The following ADAMTSL1 variants were observed in gnomAD, a reference collection of about 807,000 sequenced individuals.
ADAMTSL1 encodes the protein ADAMTS like 1, also known as ADAMTS-like protein 1.
In ADAMTSL1, 126 loss-of-function variants were observed where a neutral mutation model predicts 201.8. That is an observed-to-expected ratio of 0.62 (90% CI 0.54 to 0.72). The LOEUF is 0.72. ADAMTSL1 is among the 30% of genes least tolerant of loss of function. The probability of loss-of-function intolerance (pLI) is 0.00; values close to 1 mark genes in which losing one functional copy is unlikely to be tolerated. For synonymous variants in ADAMTSL1, 1,121 were observed against 903.4 expected, an observed-to-expected ratio of 1.24 and a Z score of -4.32; for missense variants, 2,679 against 2,277.8, an observed-to-expected ratio of 1.18 and a Z score of -3.59.
In ADAMTSL1 at chr9:18,817,066, C is replaced by T. The variant is rs780408716; in HGVS notation, c.3806-43C>T. ...TTTCAAAGGAGTGCCCCAATTTCCACAGTCACCACCAAGTAACATCTCATA... is the reference window on the plus strand; with the variant it reads ...TTTCAAAGGAGTGCCCCAATTTCCATAGTCACCACCAAGTAACATCTCATA... On this transcript the variant is annotated intron_variant, in intron 20 of 28. Coordinates refer to ENST00000380548, the MANE Select transcript of ADAMTSL1 (RefSeq NM_001040272.6). The T allele has an allele frequency of 2.5e-6, 4 of 1,598,580 alleles. No homozygotes were observed. In the Admixed American group the frequency reaches 6.8e-5, roughly 27 times the overall value.
At chr9:18,723,209 C>T (rs1817654984) in intron 15 of ADAMTSL1, 1 of 673,576 alleles carries the variant, frequency 1.5e-6, no homozygotes, top group Admixed American at 2.2e-5. Context: ...CTCACATGTC[C>T]CATGATTCTT....
intron 20 of ADAMTSL1, among the ~76,000 whole-genome samples, chr9:18,797,999 C>T (rs532621982): frequency 2.0e-5 from 3 of 151,990 alleles, no homozygotes; most frequent in Non-Finnish European, 4.4e-5. Context: ...AGTTCACTTG[C>T]AGTCAAATCC....
chr9:18,558,717 A>G (rs1821269396), intron 3 of ADAMTSL1, among the ~76,000 whole-genome samples: 1 of 152,160 alleles, frequency 6.6e-6, no homozygotes, highest in South Asian at 2.1e-4. Context: ...CTGGCATGAT[A>G]TGGTATCTCA....
At chr9:18,176,179 T>C (rs1472602418) in intron 2 of ADAMTSL1, among the ~76,000 whole-genome samples, 1 of 152,118 alleles carries the variant, frequency 6.6e-6, no homozygotes, top group African/African-American at 2.4e-5. Context: ...CCCTCCTATT[T>C]TGCAACTTTA....
intron 1 of ADAMTSL1, among the ~76,000 whole-genome samples, chr9:18,479,540 A>G (rs1821620625): frequency 6.6e-6 from 1 of 152,224 alleles, no homozygotes; most frequent in Admixed American, 6.5e-5. Flanking sequence ...GCGCTTAGTA[A>G]TTGCTTGTCA....
chr9:18,760,281 C>A (rs1228234739), intron 16 of ADAMTSL1, among the ~76,000 whole-genome samples: 1 of 152,128 alleles, frequency 6.6e-6, no homozygotes, highest in Admixed American at 6.5e-5. Context: ...CCTTTCTAAT[C>A]CCTCTCCTTA....
intron 19 of ADAMTSL1, among the ~76,000 whole-genome samples, chr9:18,792,214 G>T (rs1428465457): frequency 6.6e-6 from 1 of 152,058 alleles, no homozygotes; most frequent in East Asian, 1.9e-4. Flanking sequence ...CATTCAGAGT[G>T]TGCAGCATTA....
chr9:18,345,046 C>G (rs1175587165), intron 2 of ADAMTSL1, among the ~76,000 whole-genome samples: 2 of 152,134 alleles, frequency 1.3e-5, no homozygotes, highest in African/African-American at 4.8e-5. Context: ...ACCTCCTTCT[C>G]CTGTCCCTGG....
At chr9:18,655,420 T>A (rs146957072) in intron 7 of ADAMTSL1, among the ~76,000 whole-genome samples, 1 of 152,174 alleles carries the variant, frequency 6.6e-6, no homozygotes, top group Non-Finnish European at 1.5e-5. Context: ...AATACTCTTT[T>A]TTATTAACAT....
chr9:18,373,439 A>G (rs921398555), intron 2 of ADAMTSL1, among the ~76,000 whole-genome samples: 4 of 152,144 alleles, frequency 2.6e-5, no homozygotes, highest in East Asian at 1.9e-4. Context: ...GTTTACAACA[A>G]TCTTTTCATA....
Position 18,023,022 on chromosome 9 carries a change from G to T in ADAMTSL1, c.87+116100G>T, listed in dbSNP as rs538288873. On this transcript the variant is annotated intron_variant, in intron 1 of 29. Coordinates refer to the ADAMTSL1 transcript ENST00000680146. ...CTTCCTGTGCCCTTAAACATTTTTT[G>T]TGTGTGTTTGAGACTTATCCAATGG... Among the ~76,000 whole-genome samples, 20 of 151,996 alleles carry T rather than the reference G, an allele frequency of 1.3e-4. No homozygotes were observed. The East Asian group carries it at 2.3e-3, about 18-fold the overall frequency.
intron 1 of ADAMTSL1, among the ~76,000 whole-genome samples, chr9:18,001,780 T>G (rs1173599229): frequency 6.6e-6 from 1 of 151,948 alleles, no homozygotes; most frequent in Non-Finnish European, 1.5e-5. Flanking sequence ...GTGATACCAC[T>G]GAGGAGCATC....
At chr9:18,810,336 G>T (rs921499101) in intron 20 of ADAMTSL1, among the ~76,000 whole-genome samples, 1 of 152,174 alleles carries the variant, frequency 6.6e-6, no homozygotes, top group Non-Finnish European at 1.5e-5. Context: ...CAGTTCTGAT[G>T]AGCTTAATTA....
intron 21 of ADAMTSL1, among the ~76,000 whole-genome samples, chr9:18,817,584 C>A (rs1823942374): frequency 1.3e-5 from 2 of 152,096 alleles, no homozygotes; most frequent in Admixed American, 1.3e-4. Flanking sequence ...ATCCTCTAGG[C>A]TGTAGAGAGA....
intron 4 of ADAMTSL1, among the ~76,000 whole-genome samples, chr9:18,620,676 A>C (rs925394531): frequency 6.6e-6 from 1 of 152,194 alleles, no homozygotes; most frequent in African/African-American, 2.4e-5. Context: ...AAGTGGCCTC[A>C]CTGCAGCCTC....
chr9:18,821,542 G>A (rs1435786939), intron 21 of ADAMTSL1, among the ~76,000 whole-genome samples: 1 of 152,180 alleles, frequency 6.6e-6, no homozygotes, highest in Admixed American at 6.5e-5. Flanking sequence ...GCTGGGGAAG[G>A]TAGGCTCACT....
At chr9:18,613,297 A>G (rs1229369062) in intron 4 of ADAMTSL1, among the ~76,000 whole-genome samples, 1 of 152,242 alleles carries the variant, frequency 6.6e-6, no homozygotes, top group Non-Finnish European at 1.5e-5. Flanking sequence ...TGTGGAAGAC[A>G]ACATGGCACT....
chr9:18,070,682 C>G (rs781524438), intron 1 of ADAMTSL1, among the ~76,000 whole-genome samples: 5 of 151,978 alleles, frequency 3.3e-5, no homozygotes, highest in South Asian at 2.1e-4. Context: ...AAGCAAAGCC[C>G]CTTGGGAGAA....
chr9:18,147,505 G>A (rs1352264624), intron 1 of ADAMTSL1, among the ~76,000 whole-genome samples: 1 of 152,086 alleles, frequency 6.6e-6, no homozygotes, highest in Non-Finnish European at 1.5e-5. Context: ...CATTATTGCA[G>A]AATGGGTATA....
Sources: allele counts gnomAD v4.1 joint callset (sites outside exome capture counted in the v4.1 genomes callset), GRCh38; gene constraint gnomAD v4.1.1; transcripts MANE v1.5; gene names NCBI Gene and HGNC (gene_info 2026-07-23, HGNC 2026-07-21).